Variants in CFAP54 observed in about 807,000 individuals in gnomAD.
The protein encoded by CFAP54 is cilia- and flagella-associated protein 54.
Under a neutral mutation model 370.4 loss-of-function variants are expected in CFAP54, and 290 were observed. That is an observed-to-expected ratio of 0.78 (90% confidence interval 0.71 to 0.86). The LOEUF is 0.86. CFAP54 is among the 40% of genes least tolerant of loss of function. The pLI is 0.00. For synonymous variants in CFAP54, 1,206 were observed against 1,236.5 expected (o/e 0.98, Z 0.52); for missense variants, 3,399 against 3,528.7 (o/e 0.96, Z 0.93).
intron 63 of CFAP54, among the ~76,000 whole-genome samples, chr12:96,801,052 T>C (rs757048981): frequency 9.2e-5 from 14 of 152,212 alleles, no homozygotes; most frequent in Non-Finnish European, 1.9e-4. Flanking sequence ...AAAAGAATCA[T>C]TGTGTGACGA....
intron 66 of CFAP54, among the ~76,000 whole-genome samples, chr12:96,829,643 C>G (rs1458083769): frequency 6.6e-6 from 1 of 151,722 alleles, no homozygotes; most frequent in Admixed American, 6.6e-5. Context: ...TCTGTATTAC[C>G]TCTTCAGAAT....
In CFAP54 at chr12:96,489,705, G is replaced by T; in HGVS notation, c.96G>T (p.Ser32=). 9.1e-6 allele frequency: 14 copies of T among 1,535,996 alleles called. No homozygotes were observed. Among genetic ancestry groups the T allele is most frequent in the Non-Finnish European group, 1.1e-5 (13 of 1,146,836 alleles). ...PELPPTSTAT[S]RSPPESKGSS... is the part of the protein sequence containing the mutation. ...TGCCGCCGACCTCCACCGCGACTTC[G>T]AGGTCGCCCCCAGAGTCGAAGGGGA... Residue 32 remains serine (S), a synonymous_variant, in exon 1 of 68, where the codon TCG becomes TCT. Transcript: ENST00000524981.
chr12:96,646,179 A>G (rs569541170), intron 33 of CFAP54: 1 of 152,330 alleles, frequency 6.6e-6, no homozygotes, highest in East Asian at 1.9e-4. Context: ...ACAGAATGGG[A>G]GAAAATTTTT....
At chr12:96,571,873 T>C (rs2136417433) in intron 19 of CFAP54, among the ~76,000 whole-genome samples, 1 of 152,368 alleles carries the variant, frequency 6.6e-6, no homozygotes, top group East Asian at 1.9e-4. Context: ...TTAACTAGCC[T>C]TAGGGTTTGC....
chr12:96,621,423 A>G (rs1026668746), intron 26 of CFAP54, among the ~76,000 whole-genome samples, 167 bp from the exon 27 acceptor site: 2 of 150,714 alleles, frequency 1.3e-5, no homozygotes, highest in Non-Finnish European at 2.9e-5. Context: ...GTTGCACTCA[A>G]TGTGTTAATA....
In CFAP54 at chr12:96,506,575, C is replaced by T. The variant is rs184235074; in HGVS notation, c.568-353C>T. Among the ~76,000 whole-genome samples the T allele has an allele frequency of 4.3e-3, 607 of 139,592 alleles. 6 individuals are homozygous for T. Among genetic ancestry groups the T allele is most frequent in the African/African-American group, 0.015 (561 of 37,408 alleles). The allele number at this position is 139,592 out of a possible 152,430, so 91.6% of individuals were successfully genotyped here. A position where few individuals can be genotyped will look rare whatever the true frequency, so the allele number is the denominator to read the frequency against. The stretch of plus-strand genomic sequence containing the variant: ...TTATTTCTATTTCTTCCTTCTTTTT[C>T]TTTCTTTTCTTTTCTTTTTTTTTTT... On this transcript the variant is annotated intron_variant, in intron 3 of 67. Coordinates refer to ENST00000524981, the MANE Select transcript of CFAP54 (RefSeq NM_001306084.2).
intron 20 of CFAP54, among the ~76,000 whole-genome samples, chr12:96,578,657 T>C (rs1022329669): frequency 6.6e-6 from 1 of 152,206 alleles, no homozygotes; most frequent in Admixed American, 6.5e-5. Flanking sequence ...AGGAAGTTTA[T>C]GTGTATTACG....
At chr12:96,813,932 A>C (rs1180879577) in intron 64 of CFAP54, among the ~76,000 whole-genome samples, 1 of 152,244 alleles carries the variant, frequency 6.6e-6, no homozygotes, top group Non-Finnish European at 1.5e-5. Context: ...ATGCCAGAGC[A>C]CAAAGGGAGG....
intron 65 of CFAP54, among the ~76,000 whole-genome samples, chr12:96,819,464 A>C (rs1456357887): frequency 9.9e-5 from 15 of 152,230 alleles, no homozygotes; most frequent in Non-Finnish European, 1.8e-4. Context: ...TGAAAGCCAG[A>C]AATTATTGTT....
chr12:96,699,934 T>C (rs771845072), intron 45 of CFAP54, 37 bp from the exon 46 acceptor site: 3 of 1,492,260 alleles, frequency 2.0e-6, no homozygotes. Context: ...AAACAAATTG[T>C]TTAATTAAGT....
At chr12:96,749,692 T>C (rs1307267042) in intron 55 of CFAP54, among the ~76,000 whole-genome samples, 3 of 152,246 alleles carry the variant, frequency 2.0e-5, no homozygotes, top group African/African-American at 7.2e-5. Context: ...GACTATCTTC[T>C]CAAAATTATC....
intron 5 of CFAP54, among the ~76,000 whole-genome samples, chr12:96,517,351 T>C (rs1234290866): frequency 6.6e-6 from 1 of 152,202 alleles, no homozygotes; most frequent in East Asian, 1.9e-4. Flanking sequence ...CACAAAAAAC[T>C]TTGATTTTCC....
At chr12:96,591,785 G>A (rs1240893515) in intron 23 of CFAP54, among the ~76,000 whole-genome samples, 2 of 135,226 alleles carry the variant, frequency 1.5e-5, no homozygotes, top group South Asian at 4.7e-4. Context: ...CAGCTACACG[G>A]GAGGCTGAGG....
chr12:96,520,972 A>G (rs1445767889), intron 6 of CFAP54, among the ~76,000 whole-genome samples: 27 of 152,232 alleles, frequency 1.8e-4, no homozygotes, highest in Admixed American at 1.7e-3. Context: ...CTCAAGATAC[A>G]TTCCAGAAAG....
At chr12:96,720,272 T>C in intron 49 of CFAP54, 133 bp from the exon 50 acceptor site, 2 of 742,396 alleles carry the variant, frequency 2.7e-6, no homozygotes, top group Admixed American at 8.4e-5. Context: ...TCTCTGGTAA[T>C]TAGATACCAA....
At chr12:96,663,805 T>C in intron 38 of CFAP54, 25 bp from the exon 39 acceptor site, 4 of 1,549,828 alleles carry the variant, frequency 2.6e-6, no homozygotes, top group Non-Finnish European at 2.7e-6. Flanking sequence ...CCGACTAATA[T>C]TTGTTTTCAC....
intron 66 of CFAP54, among the ~76,000 whole-genome samples, chr12:96,855,804 T>C (rs1290420051): frequency 6.6e-6 from 1 of 152,038 alleles, no homozygotes; most frequent in Non-Finnish European, 1.5e-5. Flanking sequence ...CCTTCTGGAG[T>C]CTGGAGGATG....
chr12:96,661,069 G>GTT (rs112379953), intron 38 of CFAP54, among the ~76,000 whole-genome samples: 34 of 151,624 alleles, frequency 2.2e-4, no homozygotes, highest in Admixed American at 9.2e-4. Context: ...AGTCCTTTGG[G>GTT]GTTTTTTTGT....
At chr12:96,735,696 A>T (rs1383882295) in intron 50 of CFAP54, among the ~76,000 whole-genome samples, 2 of 152,236 alleles carry the variant, frequency 1.3e-5, no homozygotes, top group African/African-American at 4.8e-5. Context: ...TGTGGGAGAG[A>T]TAGGGTAATT....
Sources: gnomAD v4.1 joint callset for allele counts (sites outside exome capture counted in the v4.1 genomes callset) on GRCh38, gnomAD v4.1.1 for gene constraint, MANE v1.5 for transcripts, NCBI Gene and HGNC (gene_info 2026-07-23, HGNC 2026-07-21) for gene names.